The following FAM135B variants were observed in gnomAD, a reference collection of about 807,000 sequenced individuals.
FAM135B encodes the protein family with sequence similarity 135 member B.
A neutral mutation model predicts 127.7 loss-of-function variants in FAM135B; 43 were observed. The observed-to-expected ratio is 0.34, with a 90% CI of 0.26 to 0.43. The LOEUF is 0.43. Among genes scored for constraint, FAM135B ranks in the 20% least tolerant of loss-of-function variants. The pLI is 1.00. For missense variants in FAM135B, 1,558 were observed against 1,725.6 expected, an observed-to-expected ratio of 0.90 and a Z score of 1.72; for synonymous variants, 670 against 665.1, an observed-to-expected ratio of 1.01 and a Z score of -0.11.
chr8:138,198,187 G>C (rs1816818418), intron 7 of FAM135B, among the ~76,000 whole-genome samples: 1 of 152,136 alleles, frequency 6.6e-6, no homozygotes, highest in Non-Finnish European at 1.5e-5. Context: ...AGATCTGATG[G>C]TTTTATAAAG....
intron 12 of FAM135B, among the ~76,000 whole-genome samples, chr8:138,155,257 T>A (rs962816721): frequency 6.6e-6 from 1 of 152,204 alleles, no homozygotes; most frequent in African/African-American, 2.4e-5. Context: ...AGAGATTTTG[T>A]CACCACCAGG....
chr8:138,309,858 C>CTTTTTTTTTTT (rs145453026), intron 3 of FAM135B, among the ~76,000 whole-genome samples: 4 of 86,788 alleles, frequency 4.6e-5, no homozygotes, highest in South Asian at 4.2e-4. Flanking sequence ...AGTCTTTCTA[C>CTTTTTTTTTTT]TTTTTTTTTT....
At chr8:138,360,868 C>A (rs566233344) in intron 2 of FAM135B, among the ~76,000 whole-genome samples, 1 of 152,016 alleles carries the variant, frequency 6.6e-6, no homozygotes, top group South Asian at 2.1e-4. Flanking sequence ...CTAAGCCCCT[C>A]AACCAGAGAT....
intron 1 of FAM135B, among the ~76,000 whole-genome samples, chr8:138,472,984 G>A (rs1372055423): frequency 2.0e-5 from 3 of 152,076 alleles, no homozygotes; most frequent in Non-Finnish European, 4.4e-5. Flanking sequence ...TAGGGCACGT[G>A]GATATTGGGA....
At chr8:138,166,567 C>T (rs1475868689) in intron 12 of FAM135B, among the ~76,000 whole-genome samples, 2 of 152,136 alleles carry the variant, frequency 1.3e-5, no homozygotes. Flanking sequence ...GGATGTATAA[C>T]AGAACCAGTT....
At chr8:138,237,612 A>G (rs1820404273) in intron 7 of FAM135B, among the ~76,000 whole-genome samples, 1 of 152,232 alleles carries the variant, frequency 6.6e-6, no homozygotes, top group Non-Finnish European at 1.5e-5. Flanking sequence ...AGAGGAAATT[A>G]ATATTTAATT....
chr8:138,424,658 C>T (rs568996091), intron 1 of FAM135B, among the ~76,000 whole-genome samples: 1 of 152,298 alleles, frequency 6.6e-6, no homozygotes, highest in African/African-American at 2.4e-5. Context: ...CAAGGATCCA[C>T]AATTAGGAAG....
intron 3 of FAM135B, among the ~76,000 whole-genome samples, chr8:138,269,358 T>A (rs979299371): frequency 6.6e-6 from 1 of 152,190 alleles, no homozygotes; most frequent in African/African-American, 2.4e-5. Flanking sequence ...TTAGGGACCA[T>A]CTACTTGTGG....
intron 7 of FAM135B, among the ~76,000 whole-genome samples, chr8:138,219,216 AT>A (rs1262469703): frequency 6.6e-6 from 1 of 152,234 alleles, no homozygotes; most frequent in Non-Finnish European, 1.5e-5. Flanking sequence ...ATATTCAATT[AT>A]GCGTAACATG....
chr8:138,294,331 C>A (rs1158005740), intron 3 of FAM135B, among the ~76,000 whole-genome samples: 1 of 152,074 alleles, frequency 6.6e-6, no homozygotes, highest in African/African-American at 2.4e-5. Flanking sequence ...AAATCTCAGA[C>A]TTCACCACTA....
chr8:138,449,270 T>C (rs936238637), intron 1 of FAM135B, among the ~76,000 whole-genome samples: 2 of 152,114 alleles, frequency 1.3e-5, no homozygotes, highest in African/African-American at 2.4e-5. Context: ...CTAAGAGAGC[T>C]TGTGCTGGAG....
chr8:138,348,747 T>A (rs1486035413), intron 2 of FAM135B, among the ~76,000 whole-genome samples: 2 of 152,360 alleles, frequency 1.3e-5, no homozygotes, highest in East Asian at 3.9e-4. Flanking sequence ...TAAGAGTGAA[T>A]CCAATTGATC....
rs115801920 is a variant in FAM135B, at chr8:138,307,923, A to G, written c.157+2918T>C. Among the ~76,000 whole-genome samples, 324 of 152,270 alleles carry G rather than the reference A, an allele frequency of 2.1e-3. 2 individuals are homozygous for G. The highest frequency in any genetic ancestry group is 7.4e-3 in the African/African-American group (308 of 41,538). ...TATATTTTTCTTTTTTCCCGTCAGA[A>G]ATGCATACAGATAATGGAAAATATG... is the stretch of plus-strand genomic sequence containing the variant. On this transcript the variant is annotated intron_variant, in intron 3 of 19. Coordinates refer to ENST00000395297, the MANE Select transcript of FAM135B (RefSeq NM_015912.4).
chr8:138,254,847 GC>G (rs1259897823), intron 5 of FAM135B, among the ~76,000 whole-genome samples: 1 of 152,070 alleles, frequency 6.6e-6, no homozygotes, highest in East Asian at 1.9e-4. Flanking sequence ...ATCAGCGGAT[GC>G]CCCTTCTCAA....
intron 7 of FAM135B, among the ~76,000 whole-genome samples, chr8:138,202,042 T>C (rs1033221294): frequency 2.7e-5 from 4 of 146,172 alleles, no homozygotes; most frequent in Non-Finnish European, 5.9e-5. Context: ...GGAGAATCGC[T>C]TGAACCTGAG....
intron 7 of FAM135B, among the ~76,000 whole-genome samples, chr8:138,223,121 C>G (rs899599024): frequency 1.1e-4 from 16 of 152,158 alleles, no homozygotes; most frequent in African/African-American, 3.9e-4. Context: ...GTTTCTATTT[C>G]TGAACCTCCG....
At chr8:138,475,548 A>G (rs1314624246) in intron 1 of FAM135B, among the ~76,000 whole-genome samples, 1 of 152,180 alleles carries the variant, frequency 6.6e-6, no homozygotes, top group Non-Finnish European at 1.5e-5. Context: ...CCTCAGAGTC[A>G]GCCAAGATTC....
At chr8:138,345,275 G>C (rs1301786681) in intron 2 of FAM135B, among the ~76,000 whole-genome samples, 2 of 152,200 alleles carry the variant, frequency 1.3e-5, no homozygotes, top group Non-Finnish European at 2.9e-5. Flanking sequence ...ATAAGTGGTA[G>C]GACAAAGGAG....
At chr8:138,386,452 G>A (rs1249236121) in intron 1 of FAM135B, among the ~76,000 whole-genome samples, 1 of 152,134 alleles carries the variant, frequency 6.6e-6, no homozygotes, top group Non-Finnish European at 1.5e-5. Context: ...AGGAGCTGAT[G>A]AGCTCTTGGA....
Sources: allele counts gnomAD v4.1 joint callset (sites outside exome capture counted in the v4.1 genomes callset), GRCh38; gene constraint gnomAD v4.1.1; transcripts MANE v1.5; gene names NCBI Gene and HGNC (gene_info 2026-07-23, HGNC 2026-07-21).